Variants in OSBP2 observed in about 807,000 individuals in gnomAD.
The protein encoded by OSBP2 is oxysterol-binding protein 2.
In OSBP2, 66 loss-of-function variants were observed where a neutral mutation model predicts 96.0. That is an observed-to-expected ratio of 0.69 (90% CI 0.56 to 0.84). The LOEUF (loss-of-function observed/expected upper bound fraction) is 0.84. Among genes scored for constraint, OSBP2 ranks in the 40% least tolerant of loss-of-function variants. The pLI, the probability that OSBP2 is intolerant of heterozygous loss-of-function variation, is 0.00. For synonymous variants in OSBP2, 525 were observed against 520.9 expected, an observed-to-expected ratio of 1.01 and a Z score of -0.11; for missense variants, 1,038 against 1,222.7, an observed-to-expected ratio of 0.85 and a Z score of 2.25.
intron 2 of OSBP2, among the ~76,000 whole-genome samples, chr22:30,799,938 G>C (rs915196996): frequency 6.6e-6 from 1 of 152,202 alleles, no homozygotes; most frequent in African/African-American, 2.4e-5. Context: ...CTACAGCAAG[G>C]AACTTGATCT....
At chr22:30,806,593 G>A (rs1003944190) in intron 2 of OSBP2, among the ~76,000 whole-genome samples, 17 of 152,172 alleles carry the variant, frequency 1.1e-4, no homozygotes, top group Admixed American at 5.9e-4. Flanking sequence ...GAGAGGAAAT[G>A]ACTCATCCAT....
chr22:30,791,321 CTTTTTTT>C (rs869143598), intron 2 of OSBP2, among the ~76,000 whole-genome samples: 8 of 63,998 alleles, frequency 1.3e-4, no homozygotes, highest in African/African-American at 3.0e-4. Context: ...GGGGATTCTT[CTTTTTTT>C]TTTTTTTTTT....
chr22:30,838,636 C>T (rs1156618044), intron 2 of OSBP2, among the ~76,000 whole-genome samples: 1 of 152,028 alleles, frequency 6.6e-6, no homozygotes, highest in Non-Finnish European at 1.5e-5. Flanking sequence ...GAGCAAGTTC[C>T]CTTTTATTCC....
At chr22:30,883,719 A>G (rs1328122378) in intron 3 of OSBP2, among the ~76,000 whole-genome samples, 1 of 151,962 alleles carries the variant, frequency 6.6e-6, no homozygotes, top group East Asian at 1.9e-4. Flanking sequence ...GTCTCTGTCT[A>G]CCCAACTCAT....
intron 5 of OSBP2, 78 bp from the exon 6 acceptor site, chr22:30,889,099 G>T: frequency 7.8e-7 from 1 of 1,283,068 alleles, no homozygotes; most frequent in South Asian, 1.3e-5. Flanking sequence ...AAATGATGTT[G>T]TCTGGAGAGA....
intron 1 of OSBP2, among the ~76,000 whole-genome samples, chr22:30,711,652 G>T (rs1453370136): frequency 6.6e-6 from 1 of 150,852 alleles, no homozygotes; most frequent in African/African-American, 2.4e-5. Context: ...AAGTGGGAGG[G>T]TCACTCGAGC....
intron 1 of OSBP2, among the ~76,000 whole-genome samples, chr22:30,732,729 C>T (rs939521915): frequency 6.6e-5 from 10 of 152,226 alleles, no homozygotes; most frequent in African/African-American, 2.2e-4. Context: ...GGACATGGCA[C>T]CAGATATCAG....
At chr22:30,750,169 G>A (rs1301157033) in intron 2 of OSBP2, among the ~76,000 whole-genome samples, 1 of 152,184 alleles carries the variant, frequency 6.6e-6, no homozygotes. Flanking sequence ...AGTGGGCCCA[G>A]GGGCAGATCT....
chr22:30,846,813 A>G (rs2078777675), intron 2 of OSBP2, among the ~76,000 whole-genome samples: 1 of 152,112 alleles, frequency 6.6e-6, no homozygotes, highest in Non-Finnish European at 1.5e-5. Context: ...AATATGTGTT[A>G]TACTTTTTAT....
At chr22:30,812,985 A>G (rs1271257796) in intron 2 of OSBP2, among the ~76,000 whole-genome samples, 2 of 152,100 alleles carry the variant, frequency 1.3e-5, no homozygotes, top group African/African-American at 4.8e-5. Flanking sequence ...AGTTTATTCT[A>G]GCTATGGTTA....
At chr22:30,872,542 G>A (rs2039480217) in intron 3 of OSBP2, 1 of 364,192 alleles carries the variant, frequency 2.7e-6, no homozygotes, top group Admixed American at 3.5e-5. Flanking sequence ...CCCTGGGGTT[G>A]GTCACGATTC....
chr22:30,751,434 A>C (rs1382137082), intron 2 of OSBP2, among the ~76,000 whole-genome samples: 1 of 151,904 alleles, frequency 6.6e-6, no homozygotes, highest in African/African-American at 2.4e-5. Context: ...GGCTCACTGC[A>C]ACCCCCATCT....
intron 2 of OSBP2, among the ~76,000 whole-genome samples, chr22:30,788,515 G>A (rs1286314483): frequency 6.6e-6 from 1 of 152,148 alleles, no homozygotes; most frequent in African/African-American, 2.4e-5. Context: ...TAATCTGACA[G>A]ATACAAAAAG....
chr22:30,883,668 T>C (rs1165649883), intron 3 of OSBP2, among the ~76,000 whole-genome samples: 1 of 152,188 alleles, frequency 6.6e-6, no homozygotes, highest in East Asian at 1.9e-4. Context: ...CCTTGCTGGG[T>C]GCCCTCAGGG....
intron 1 of OSBP2, among the ~76,000 whole-genome samples, chr22:30,701,777 G>A (rs994101039): frequency 6.6e-6 from 1 of 152,162 alleles, no homozygotes; most frequent in Non-Finnish European, 1.5e-5. Context: ...GGATACCCCC[G>A]AAGGTAGCTT....
At chr22:30,883,161 T>C (rs2039737616) in intron 3 of OSBP2, among the ~76,000 whole-genome samples, 1 of 152,162 alleles carries the variant, frequency 6.6e-6, no homozygotes, top group African/African-American at 2.4e-5. Context: ...TGCAGCCAGA[T>C]AGGCAAGAAC....
intron 2 of OSBP2, among the ~76,000 whole-genome samples, chr22:30,838,419 A>G (rs2038680207): frequency 1.3e-5 from 2 of 152,234 alleles, no homozygotes; most frequent in Non-Finnish European, 2.9e-5. Context: ...AAAAGTATAT[A>G]AACCCACAAA....
At chr22:30,809,958 G>A (rs2090984156) in intron 2 of OSBP2, among the ~76,000 whole-genome samples, 1 of 152,132 alleles carries the variant, frequency 6.6e-6, no homozygotes, top group African/African-American at 2.4e-5. Flanking sequence ...GTCTGGAGAG[G>A]GAAAAGTTAT....
At chr22:30,772,310 T>A (rs921783053) in intron 2 of OSBP2, among the ~76,000 whole-genome samples, 1 of 152,206 alleles carries the variant, frequency 6.6e-6, no homozygotes, top group Admixed American at 6.5e-5. Flanking sequence ...AGAAATGAGA[T>A]AACCTCTCCT....
Sources: allele counts gnomAD v4.1 joint callset (sites outside exome capture counted in the v4.1 genomes callset), GRCh38; gene constraint gnomAD v4.1.1; transcripts MANE v1.5; gene names NCBI Gene and HGNC (gene_info 2026-07-23, HGNC 2026-07-21).